The following GRID2 variants were observed in gnomAD, a reference collection of about 807,000 sequenced individuals.
GRID2 encodes the protein glutamate ionotropic receptor delta type subunit 2.
A neutral mutation model predicts 114.8 loss-of-function variants in GRID2; 33 were observed. The observed-to-expected ratio is 0.29, with a 90% CI of 0.22 to 0.38. The LOEUF (loss-of-function observed/expected upper bound fraction) is 0.38. Ranked by LOEUF, GRID2 falls within the 10% of genes least tolerant of loss-of-function variation. GRID2 has a pLI of 1.00. For missense variants in GRID2, 1,184 were observed against 1,257.7 expected (o/e 0.94, Z 0.89); for synonymous variants, 505 against 449.9 (o/e 1.12, Z -1.55).
At chr4:92,984,808 A>G (rs1359422093) in intron 2 of GRID2, among the ~76,000 whole-genome samples, 1 of 151,516 alleles carries the variant, frequency 6.6e-6, no homozygotes, top group Non-Finnish European at 1.5e-5. Context: ...TTTAATGAGT[A>G]GTAGTCAGCT....
intron 13 of GRID2, among the ~76,000 whole-genome samples, chr4:93,608,700 C>A (rs1300578922): frequency 7.3e-6 from 1 of 137,364 alleles, no homozygotes; most frequent in African/African-American, 2.7e-5. Flanking sequence ...TTTTCTTAAT[C>A]TAGTCTATCA....
intron 3 of GRID2, among the ~76,000 whole-genome samples, chr4:93,102,119 T>G (rs1326937221): frequency 6.6e-6 from 1 of 152,178 alleles, no homozygotes; most frequent in Non-Finnish European, 1.5e-5. Context: ...ATAGCTTTTT[T>G]AAAATTGACT....
chr4:93,107,719 C>T lies in GRID2; in HGVS notation c.530-3029C>T, dbSNP rs146549432. On this transcript the variant is annotated intron_variant, in intron 3 of 15. Transcript: ENST00000282020. ...ATGTTGGCCAGGCTGGTCTCGAACT[C>T]CTGGCCTCAAGTAATTCACCCACCT... 8.3e-3 allele frequency among the ~76,000 whole-genome samples: 1,260 copies of T among 152,004 alleles called. 13 individuals carry two copies. Among genetic ancestry groups the T allele is most frequent in the African/African-American group, 0.028 (1,159 of 41,430 alleles).
intron 8 of GRID2, among the ~76,000 whole-genome samples, chr4:93,242,332 C>T (rs1224387840): frequency 6.6e-6 from 1 of 151,522 alleles, no homozygotes; most frequent in Non-Finnish European, 1.5e-5. Flanking sequence ...TATTGGCTCA[C>T]ATGAGGCTAG....
intron 8 of GRID2, among the ~76,000 whole-genome samples, chr4:93,313,871 G>C (rs1036047358): frequency 5.3e-5 from 8 of 152,146 alleles, no homozygotes; most frequent in Non-Finnish European, 1.2e-4. Flanking sequence ...TGACTGTAAT[G>C]GTTCTTTGAG....
At chr4:93,460,179 C>T (rs1723610281) in intron 11 of GRID2, among the ~76,000 whole-genome samples, 1 of 152,160 alleles carries the variant, frequency 6.6e-6, no homozygotes, top group African/African-American at 2.4e-5. Flanking sequence ...CAGTTATTTT[C>T]TTGGCTTCCC....
chr4:93,323,096 G>A (rs1757416863), intron 8 of GRID2, among the ~76,000 whole-genome samples: 1 of 152,106 alleles, frequency 6.6e-6, no homozygotes. Flanking sequence ...ATTGCTTTTG[G>A]TGTTTTCGTC....
chr4:92,556,564 T>C (rs1207984368), intron 1 of GRID2, among the ~76,000 whole-genome samples: 3 of 152,056 alleles, frequency 2.0e-5, no homozygotes, highest in Non-Finnish European at 2.9e-5. Flanking sequence ...GCTCATAGTT[T>C]TTGTGGGTTA....
chr4:93,448,380 A>G (rs928881169), intron 10 of GRID2, among the ~76,000 whole-genome samples: 4 of 151,550 alleles, frequency 2.6e-5, no homozygotes, highest in African/African-American at 7.3e-5. Flanking sequence ...CACAGTAAAT[A>G]TAACAAAATC....
chr4:92,842,966 T>G (rs1343165443), intron 2 of GRID2, among the ~76,000 whole-genome samples: 2 of 152,128 alleles, frequency 1.3e-5, no homozygotes, highest in African/African-American at 4.8e-5. Flanking sequence ...AAGCCAGGCA[T>G]GGTGTTTTAC....
chr4:93,314,503 A>G (rs1756375576), intron 8 of GRID2, among the ~76,000 whole-genome samples: 1 of 151,858 alleles, frequency 6.6e-6, no homozygotes, highest in Non-Finnish European at 1.5e-5. Flanking sequence ...TCTCTTTACA[A>G]TTTCATCTAA....
intron 2 of GRID2, among the ~76,000 whole-genome samples, chr4:92,694,724 A>G (rs1029299337): frequency 2.6e-5 from 4 of 152,136 alleles, no homozygotes; most frequent in African/African-American, 9.7e-5. Context: ...CATAAATTCA[A>G]ATAGTTACCA....
chr4:93,282,845 C>T (rs979246378), intron 8 of GRID2, among the ~76,000 whole-genome samples: 3 of 151,986 alleles, frequency 2.0e-5, no homozygotes, highest in African/African-American at 7.2e-5. Context: ...ACCATATTGG[C>T]AGAAGGCAAA....
chr4:93,679,418 C>G (rs1301894611), intron 14 of GRID2, among the ~76,000 whole-genome samples: 2 of 150,852 alleles, frequency 1.3e-5, no homozygotes, highest in Non-Finnish European at 2.9e-5. Context: ...CAGCTCTGCA[C>G]CAAGCAGACC....
chr4:93,771,633 T>TTTCCAC (rs1734116435), intron 15 of GRID2, among the ~76,000 whole-genome samples: 1 of 152,058 alleles, frequency 6.6e-6, no homozygotes, highest in Non-Finnish European at 1.5e-5. Context: ...GAAACTTAAG[T>TTTCCAC]TTAGGAGTAA....
At chr4:93,575,548 T>C (rs967188695) in intron 13 of GRID2, among the ~76,000 whole-genome samples, 21 of 152,290 alleles carry the variant, frequency 1.4e-4, no homozygotes, top group Middle Eastern at 3.4e-3. Context: ...GTATTTGACC[T>C]CTTTGAGCCT....
chr4:92,473,812 TGTTTAA>T (rs974434584), intron 1 of GRID2, among the ~76,000 whole-genome samples: 3 of 151,976 alleles, frequency 2.0e-5, no homozygotes, highest in Admixed American at 6.6e-5. Context: ...GATGAAATTG[TGTTTAA>T]GTTTTTCAGC....
chr4:92,943,538 C>T (rs1284884982), intron 2 of GRID2, among the ~76,000 whole-genome samples: 2 of 152,036 alleles, frequency 1.3e-5, no homozygotes, highest in Admixed American at 6.6e-5. Context: ...CCTCCTTTAG[C>T]TCGGAGTAGT....
chr4:92,737,143 T>G (rs1380049020), intron 2 of GRID2, among the ~76,000 whole-genome samples: 1 of 152,120 alleles, frequency 6.6e-6, no homozygotes, highest in Non-Finnish European at 1.5e-5. Flanking sequence ...ACTATTGGCA[T>G]GTACAGTTTG....
Sources: gnomAD v4.1 joint callset for allele counts (sites outside exome capture counted in the v4.1 genomes callset) on GRCh38, gnomAD v4.1.1 for gene constraint, MANE v1.5 for transcripts, NCBI Gene and HGNC (gene_info 2026-07-23, HGNC 2026-07-21) for gene names.